The following KLF15 variants were observed in gnomAD, a reference collection of about 807,000 sequenced individuals.
KLF15 encodes the protein KLF transcription factor 15.
Under a neutral mutation model 24.6 loss-of-function variants are expected in KLF15, and 4 were observed. That is an observed-to-expected ratio of 0.16 (90% CI 0.08 to 0.37). The LOEUF (loss-of-function observed/expected upper bound fraction) is 0.37. Among genes scored for constraint, KLF15 ranks in the 10% least tolerant of loss-of-function variants. The probability of loss-of-function intolerance (pLI) is 1.00; values close to 1 mark genes in which losing one functional copy is unlikely to be tolerated. For missense variants in KLF15, 496 were observed against 560.6 expected, an observed-to-expected ratio of 0.88 and a Z score of 1.16; for synonymous variants, 246 against 236.3, an observed-to-expected ratio of 1.04 and a Z score of -0.37.
At chr3:126,333,382 G>A in the KLF15 span, among the ~76,000 whole-genome samples, 1 of 150,256 alleles carries the variant, frequency 6.7e-6, no homozygotes, top group Non-Finnish European at 1.5e-5. Flanking sequence ...GAGAGATTTT[G>A]TCACCACTAG....
At chr3:126,301,135 T>C in the KLF15 span, among the ~76,000 whole-genome samples, 3 of 152,136 alleles carry the variant, frequency 2.0e-5, no homozygotes, top group Non-Finnish European at 4.4e-5. Context: ...GGACCTCTGC[T>C]CTCCACACTC....
the KLF15 span, among the ~76,000 whole-genome samples, chr3:126,313,788 T>A: frequency 6.6e-6 from 1 of 152,246 alleles, no homozygotes; most frequent in Non-Finnish European, 1.5e-5. Flanking sequence ...TTCTTTGCTC[T>A]CACTCCTGTG....
the KLF15 span, among the ~76,000 whole-genome samples, chr3:126,322,724 A>G: frequency 6.6e-6 from 1 of 152,048 alleles, no homozygotes; most frequent in Admixed American, 6.6e-5. Flanking sequence ...ATCTTATCCC[A>G]TCCATTTCAG....
chr3:126,345,667 G>A (rs1051793411), intron 2 of KLF15, among the ~76,000 whole-genome samples: 4 of 152,190 alleles, frequency 2.6e-5, no homozygotes, highest in Non-Finnish European at 4.4e-5. Context: ...CCCAGCGAGA[G>A]GCGGTGCCCA....
the KLF15 span, among the ~76,000 whole-genome samples, chr3:126,316,195 G>A: frequency 1.3e-5 from 2 of 152,024 alleles, no homozygotes; most frequent in Non-Finnish European, 2.9e-5. Context: ...GCGGGGCTGG[G>A]AGTGCACGGG....
At chr3:126,327,786 A>G in the KLF15 span, among the ~76,000 whole-genome samples, 2 of 152,234 alleles carry the variant, frequency 1.3e-5, no homozygotes, top group African/African-American at 4.8e-5. Flanking sequence ...GTTTCTGGTT[A>G]CCATAATTTA....
At position 126,356,443 on chromosome 3, in the gene KLF15, C is replaced by T. The variant is rs2082633026; in HGVS notation, c.-26+794G>A. ...GCGGGGAGGGAAGAGTGAACCGGAC[C>T]ACCATATGGGATGGGGACGGCCTCT... is the stretch of plus-strand genomic sequence containing the variant. On this transcript the variant is annotated intron_variant, in intron 1 of 2. Transcript: ENST00000296233. This position sits in a 1 kb window ranked among gnomAD's most constrained non-coding sequence, Gnocchi z 4.4. Among the ~76,000 whole-genome samples, 1 of 152,190 alleles carries T rather than the reference C, an allele frequency of 6.6e-6. No homozygotes were observed.
At chr3:126,303,172 T>C in the KLF15 span, among the ~76,000 whole-genome samples, 2 of 152,102 alleles carry the variant, frequency 1.3e-5, no homozygotes, top group Admixed American at 6.5e-5. Flanking sequence ...GTCCATCAAT[T>C]AGCTTTTGGA....
Position 126,352,548 on chromosome 3 carries a change from A to G in KLF15, c.375T>C (p.Phe125=), listed in dbSNP as rs1225122062. The change falls in exon 2 of 3, where the codon TTT becomes TTC. Residue 125 remains phenylalanine (F), a synonymous_variant. Coordinates refer to ENST00000296233, the MANE Select transcript of KLF15 (RefSeq NM_014079.4). The part of the protein sequence containing the change: ...VKGEHFCLPE[F]PLGDPDDVPR... Reference sequence around the variant, plus strand: ...GGACGTCATCAGGATCACCCAAAGGAAACTCGGGCAAGCAGAAATGCTCCC... The same window carrying G: ...GGACGTCATCAGGATCACCCAAAGGGAACTCGGGCAAGCAGAAATGCTCCC... The G allele has an allele frequency of 2.5e-6, 4 of 1,612,784 alleles. No homozygotes were observed. In the African/African-American group the frequency reaches 5.3e-5, roughly 22 times the overall value.
the KLF15 span, among the ~76,000 whole-genome samples, chr3:126,322,525 C>T: frequency 1.3e-5 from 2 of 152,190 alleles, no homozygotes; most frequent in Non-Finnish European, 2.9e-5. Context: ...CACCAGATAA[C>T]CCAGGATCCT....
the KLF15 span, among the ~76,000 whole-genome samples, chr3:126,310,892 C>T: frequency 6.6e-6 from 1 of 152,234 alleles, no homozygotes; most frequent in Non-Finnish European, 1.5e-5. Context: ...CACACACTCT[C>T]AAGCCCCGCT....
At chr3:126,293,389 G>A in the KLF15 span, among the ~76,000 whole-genome samples, 1 of 152,180 alleles carries the variant, frequency 6.6e-6, no homozygotes, top group African/African-American at 2.4e-5. Context: ...AAGCTGGCTT[G>A]TGGGTGGGTG....
the KLF15 span, among the ~76,000 whole-genome samples, chr3:126,316,719 G>A: frequency 5.3e-5 from 8 of 150,094 alleles, no homozygotes; most frequent in South Asian, 2.1e-4. Context: ...GGGAATGCAC[G>A]GGCCGGAGTG....
At chr3:126,328,261 C>A in the KLF15 span, among the ~76,000 whole-genome samples, 1 of 152,124 alleles carries the variant, frequency 6.6e-6, no homozygotes, top group Non-Finnish European at 1.5e-5. Context: ...GCTGTTAATT[C>A]ATTCCTTTTT....
At chr3:126,329,084 G>T in the KLF15 span, among the ~76,000 whole-genome samples, 2 of 152,160 alleles carry the variant, frequency 1.3e-5, no homozygotes, top group African/African-American at 4.8e-5. Flanking sequence ...AATGGCACCT[G>T]CATCTTGCTA....
At chr3:126,340,448 T>G (rs576484482), downstream of KLF15, among the ~76,000 whole-genome samples, 5 of 152,364 alleles carry the variant, frequency 3.3e-5, no homozygotes, top group South Asian at 1.0e-3. Flanking sequence ...TGCCCTGTAC[T>G]CAGTCTGCTG....
the KLF15 span, among the ~76,000 whole-genome samples, chr3:126,326,483 T>C: frequency 2.6e-5 from 4 of 152,192 alleles, no homozygotes; most frequent in Non-Finnish European, 5.9e-5. Flanking sequence ...ATTGGGAAAA[T>C]AAATTGTGGT....
chr3:126,296,442 C>G, the KLF15 span, among the ~76,000 whole-genome samples: 1 of 152,212 alleles, frequency 6.6e-6, no homozygotes, highest in African/African-American at 2.4e-5. Flanking sequence ...CTCCTGACCT[C>G]GTGATCCACC....
At chr3:126,326,484 A>T in the KLF15 span, among the ~76,000 whole-genome samples, 12 of 152,254 alleles carry the variant, frequency 7.9e-5, no homozygotes, top group Admixed American at 7.9e-4. Context: ...TTGGGAAAAT[A>T]AATTGTGGTG....
Sources: allele counts gnomAD v4.1 joint callset (sites outside exome capture counted in the v4.1 genomes callset), GRCh38; gene constraint gnomAD v4.1.1; non-coding constraint Gnocchi (gnomAD v3.1); transcripts MANE v1.5; gene names NCBI Gene and HGNC (gene_info 2026-07-23, HGNC 2026-07-21).